Variants in DGKB observed in about 807,000 individuals in gnomAD.
DGKB encodes the protein diacylglycerol kinase beta.
DGKB carries 67 observed loss-of-function variants against 114.3 expected under a neutral mutation model. The ratio of observed to expected loss-of-function variants is 0.59; its 90% CI spans 0.48 to 0.72. The LOEUF (loss-of-function observed/expected upper bound fraction) is 0.72, where lower values mean the gene tolerates loss of function less well. Ranked by LOEUF, DGKB falls within the 30% of genes least tolerant of loss-of-function variation. The pLI is 0.00. For missense variants in DGKB, 907 were observed against 975.2 expected (o/e 0.93, Z 0.93); for synonymous variants, 398 against 323.1 (o/e 1.23, Z -2.49).
At chr7:14,244,671 A>G (rs1430591924) in intron 23 of DGKB, among the ~76,000 whole-genome samples, 1 of 76,600 alleles carries the variant, frequency 1.3e-5, no homozygotes, top group East Asian at 7.7e-4. Context: ...CTCTGTCTCA[A>G]AAAAAAAAAA....
At chr7:14,765,538 CCTT>C (rs1222774441) in intron 2 of DGKB, among the ~76,000 whole-genome samples, 1 of 151,846 alleles carries the variant, frequency 6.6e-6, no homozygotes, top group Non-Finnish European at 1.5e-5. Context: ...AATTTTTACT[CCTT>C]CATCTATCTA....
chr7:14,644,839 T>A (rs964045885), intron 13 of DGKB, among the ~76,000 whole-genome samples: 5 of 152,168 alleles, frequency 3.3e-5, no homozygotes, highest in African/African-American at 1.2e-4. Flanking sequence ...GACATCCAGA[T>A]ACAGGACACT....
chr7:14,464,700 G>A (rs10499440), intron 21 of DGKB, among the ~76,000 whole-genome samples: 11,913 of 152,204 alleles, frequency 0.078, 589 homozygotes, highest in East Asian at 0.21. Flanking sequence ...AAAAGTTTCA[G>A]TAGAAGATGA....
At chr7:14,825,020 A>G (rs772286499) in intron 2 of DGKB, among the ~76,000 whole-genome samples, 11,617 of 84,614 alleles carry the variant, frequency 0.14, 902 homozygotes, top group African/African-American at 0.37. Flanking sequence ...GTGTATGTAT[A>G]TATATATATA....
At chr7:14,938,061 C>T (rs943438449) in intron 1 of DGKB, among the ~76,000 whole-genome samples, 1 of 152,244 alleles carries the variant, frequency 6.6e-6, no homozygotes, top group East Asian at 1.9e-4. Context: ...GTCCCCCTAA[C>T]CCATACATTG....
chr7:14,465,959 G>A (rs1780407439), intron 21 of DGKB, among the ~76,000 whole-genome samples: 1 of 151,912 alleles, frequency 6.6e-6, no homozygotes, highest in South Asian at 2.1e-4. Context: ...CATCGGATTT[G>A]CATGAGTTGG....
intron 23 of DGKB, among the ~76,000 whole-genome samples, chr7:14,233,432 G>C (rs1254374693): frequency 6.6e-6 from 1 of 151,958 alleles, no homozygotes; most frequent in African/African-American, 2.4e-5. Context: ...CCTATAAATT[G>C]AGTCCCAGAA....
At chr7:14,709,135 C>A (rs549833997) in intron 6 of DGKB, among the ~76,000 whole-genome samples, 1,531 of 151,220 alleles carry the variant, frequency 0.01, 13 homozygotes, top group South Asian at 0.022. Context: ...ATCAAACAAC[C>A]CCATCAAAAA....
intron 25 of DGKB, among the ~76,000 whole-genome samples, chr7:14,174,376 T>C (rs182248391): frequency 5.4e-4 from 83 of 152,296 alleles, no homozygotes; most frequent in African/African-American, 1.9e-3. Flanking sequence ...TCAACATGGG[T>C]CAAGTGTCTC....
At chr7:14,613,293 T>G in intron 16 of DGKB, 47 bp downstream of exon 16, 1 of 1,150,790 alleles carries the variant, frequency 8.7e-7, no homozygotes, top group Non-Finnish European at 1.2e-6. Context: ...TTGTCTATTT[T>G]TTTACATATA....
rs188869690 is a variant in DGKB, at chr7:14,217,995, G to A, written c.2123-39844C>T. 3.9e-5 allele frequency among the ~76,000 whole-genome samples: 6 copies of A among 152,088 alleles called. No homozygotes were observed. The East Asian group carries it at 1.2e-3, about 29-fold the overall frequency. ...ATCCTAACTTGTTTGTTTCCTAGTA[G>A]GTTCATTACTAATATGCAAATATTA... On this transcript the variant is annotated intron_variant, in intron 23 of 25. Coordinates refer to ENST00000402815, the MANE Select transcript of DGKB (RefSeq NM_001350709.2).
At chr7:14,751,847 A>G (rs1458009832) in intron 4 of DGKB, among the ~76,000 whole-genome samples, 1 of 152,230 alleles carries the variant, frequency 6.6e-6, no homozygotes, top group Non-Finnish European at 1.5e-5. Context: ...GTATATCTCC[A>G]ATATTCTCAC....
At chr7:14,240,105 G>T (rs1294700131) in intron 23 of DGKB, among the ~76,000 whole-genome samples, 2 of 152,048 alleles carry the variant, frequency 1.3e-5, no homozygotes, top group African/African-American at 2.4e-5. Flanking sequence ...TATATGTTCT[G>T]TATCTTCCCT....
chr7:14,830,311 C>T (rs573430300), intron 2 of DGKB, among the ~76,000 whole-genome samples: 1 of 151,976 alleles, frequency 6.6e-6, no homozygotes, highest in South Asian at 2.1e-4. Context: ...TTACAGACTT[C>T]CTCTTTGAAT....
chr7:14,174,416 T>C (rs1343023373), intron 25 of DGKB, among the ~76,000 whole-genome samples: 1 of 152,156 alleles, frequency 6.6e-6, no homozygotes, highest in Non-Finnish European at 1.5e-5. Context: ...TTCTAAGAAC[T>C]TTTTTTAGGA....
chr7:14,858,153 G>C (rs1681070245), intron 1 of DGKB, among the ~76,000 whole-genome samples: 1 of 152,128 alleles, frequency 6.6e-6, no homozygotes, highest in African/African-American at 2.4e-5. Flanking sequence ...ACAATCAGCA[G>C]TTTAAAAACA....
intron 1 of DGKB, among the ~76,000 whole-genome samples, chr7:14,921,785 T>G (rs2128247360): frequency 6.6e-6 from 1 of 152,242 alleles, no homozygotes; most frequent in South Asian, 2.1e-4. Flanking sequence ...ACAACTATAC[T>G]AAGGAATTTG....
chr7:14,795,392 T>G (rs2109497), intron 2 of DGKB, among the ~76,000 whole-genome samples: 64,984 of 152,072 alleles, frequency 0.43, 16,362 homozygotes, highest in African/African-American at 0.7. Context: ...CATGCCTTAT[T>G]GCAATGTAGA....
intron 20 of DGKB, among the ~76,000 whole-genome samples, chr7:14,573,891 C>T (rs1327274289): frequency 2.0e-5 from 3 of 152,044 alleles, no homozygotes; most frequent in East Asian, 1.9e-4. Context: ...TTAGCTTATA[C>T]TCTAAAACTT....
Sources: gnomAD v4.1 joint callset for allele counts (sites outside exome capture counted in the v4.1 genomes callset) on GRCh38, gnomAD v4.1.1 for gene constraint, MANE v1.5 for transcripts, NCBI Gene and HGNC (gene_info 2026-07-23, HGNC 2026-07-21) for gene names.